LAMA2: variants seen among roughly 807,000 people sequenced by gnomAD.
LAMA2 encodes laminin subunit alpha 2.
LAMA2 carries 269 observed loss-of-function variants against 364.8 expected under a neutral mutation model. That is an observed-to-expected ratio of 0.74 (90% CI 0.67 to 0.82). The LOEUF is 0.82. Ranked by LOEUF, LAMA2 falls within the 40% of genes least tolerant of loss-of-function variation. The probability of loss-of-function intolerance (pLI) is 0.00; values close to 1 mark genes in which losing one functional copy is unlikely to be tolerated. For missense variants in LAMA2, 3,807 were observed against 3,873.2 expected, an observed-to-expected ratio of 0.98 and a Z score of 0.45; for synonymous variants, 1,379 against 1,370.6, an observed-to-expected ratio of 1.01 and a Z score of -0.14.
At chr6:129,260,503 A>T (rs1236072684) in intron 14 of LAMA2, among the ~76,000 whole-genome samples, 3 of 152,120 alleles carry the variant, frequency 2.0e-5, no homozygotes, top group African/African-American at 4.8e-5. Flanking sequence ...CAGCATTTGG[A>T]GGTGGTGGTG....
intron 12 of LAMA2, among the ~76,000 whole-genome samples, chr6:129,201,273 A>G (rs907416458): frequency 1.3e-5 from 2 of 152,178 alleles, no homozygotes; most frequent in African/African-American, 4.8e-5. Context: ...TGAAAGACAG[A>G]GGTTAGGGTT....
At chr6:129,300,456 AC>A (rs1773481003) in intron 21 of LAMA2, among the ~76,000 whole-genome samples, 2 of 152,202 alleles carry the variant, frequency 1.3e-5, no homozygotes, top group Non-Finnish European at 1.5e-5. Flanking sequence ...ATCTGATAAC[AC>A]CAATTCTTTC....
intron 8 of LAMA2, 144 bp downstream of exon 8, chr6:129,154,827 G>GA: frequency 1.4e-6 from 1 of 703,146 alleles, no homozygotes; most frequent in Admixed American, 2.5e-5. Context: ...TTTCGTAGTT[G>GA]AAACTGACCT....
chr6:128,985,558 T>C (rs990490859), intron 1 of LAMA2, among the ~76,000 whole-genome samples: 4 of 152,118 alleles, frequency 2.6e-5, no homozygotes, highest in Admixed American at 2.6e-4. Context: ...ACATTGATCT[T>C]CCAATGCCTT....
rs140058077 is a variant in LAMA2 at position 129,493,599 on chromosome 6, A to G, written c.8244+1116A>G. Among the ~76,000 whole-genome samples, 61 of 152,338 alleles carry G rather than the reference A, an allele frequency of 4.0e-4. No individual in the cohort carries two copies. In the East Asian group the frequency reaches 0.011, roughly 28 times the overall value. ...TTGTTCAATGACTCACATATACTGA[A>G]CGTTTAATAAATGGCATAAGTACTA... is the stretch of plus-strand genomic sequence containing the variant. On this transcript the variant is annotated intron_variant, in intron 58 of 64. Transcript: ENST00000421865.
intron 45 of LAMA2, among the ~76,000 whole-genome samples, chr6:129,449,186 G>A (rs1403045486): frequency 1.3e-5 from 2 of 152,192 alleles, no homozygotes; most frequent in Non-Finnish European, 2.9e-5. Flanking sequence ...TTTTCTATAT[G>A]AATGTGTGAG....
chr6:129,464,995 C>A, intron 50 of LAMA2, 150 bp from the exon 51 acceptor site: 1 of 697,542 alleles, frequency 1.4e-6, no homozygotes, highest in South Asian at 1.7e-5. Flanking sequence ...AATAGTAACA[C>A]CAATTCTATT....
Position 129,297,823 on chromosome 6 carries a change from T to G in LAMA2, c.2995T>G (p.Cys999Gly). 1 of 1,614,034 alleles carries G rather than the reference T, an allele frequency of 6.2e-7. No homozygotes were observed. The highest frequency in any genetic ancestry group is 8.5e-7 in the Non-Finnish European group (1 of 1,179,956). The change falls in exon 21 of 65, where the codon TGT becomes GGT. Residue 999 changes from cysteine to glycine, a missense_variant. By Grantham distance (159) the Cys-to-Gly change is radical (BLOSUM62 -3). This residue lies in a region of LAMA2 where 3,333 missense variants were observed against 3,345.7 expected (regional missense o/e 1.00). Coordinates refer to ENST00000421865, the MANE Select transcript of LAMA2 (RefSeq NM_000426.4). ...PGVTGKKCDR[C>G]AHGYFNFQEG... Reference sequence around the variant, plus strand: ...AGTCACAGGGAAGAAATGTGACCGCTGTGCCCACGGCTATTTCAACTTCCA... The same window carrying G: ...AGTCACAGGGAAGAAATGTGACCGCGGTGCCCACGGCTATTTCAACTTCCA...
intron 8 of LAMA2, chr6:129,158,299 TTTCTCGAAACCAGCTGGC>T: frequency 6.2e-7 from 1 of 1,614,124 alleles, no homozygotes; most frequent in Admixed American, 1.7e-5. Flanking sequence ...TAGATTTCTG[TTTCTCGAAACCAGCTGGC>T]TTCTTCAGTG....
chr6:129,078,657 T>TA (rs1278652626), intron 3 of LAMA2, among the ~76,000 whole-genome samples: 3 of 152,208 alleles, frequency 2.0e-5, no homozygotes, highest in African/African-American at 7.2e-5. Context: ...AAAGTCATGG[T>TA]AAAATGACAT....
At chr6:128,927,474 C>T (rs149923557) in intron 1 of LAMA2, among the ~76,000 whole-genome samples, 12 of 152,150 alleles carry the variant, frequency 7.9e-5, no homozygotes, top group Admixed American at 2.0e-4. Flanking sequence ...GAGTAAGCTC[C>T]GTCTCTAACT....
At position 129,050,074 on chromosome 6, in the gene LAMA2, G is replaced by A; in HGVS notation, c.269G>A (p.Ser90Asn). The change falls in exon 2 of 65, where the codon AGC (serine) becomes AAC (asparagine). Residue 90 changes from serine (S) to asparagine (N), a missense_variant. By Grantham distance (46) the Ser-to-Asn change is conservative (BLOSUM62 1). Transcript: ENST00000421865. ...CAGTGTCGAATCTGCAATCAAAACA[G>A]CAGCAATCCAAACCGTATGTATTTT... ...NPQCRICNQNSSNPNQRHPIT... is the reference protein window; with the variant it reads ...NPQCRICNQNNSNPNQRHPIT... The A allele has an allele frequency of 6.2e-7, 1 of 1,614,164 alleles. No individual in the cohort carries two copies. The highest frequency in any genetic ancestry group is 8.5e-7 in the Non-Finnish European group (1 of 1,180,014).
chr6:129,291,992 A>G (rs1789731968), intron 20 of LAMA2, among the ~76,000 whole-genome samples: 1 of 152,194 alleles, frequency 6.6e-6, no homozygotes, highest in Admixed American at 6.5e-5. Flanking sequence ...TAGCAGGCGA[A>G]TTTAATCTTA....
intron 10 of LAMA2, among the ~76,000 whole-genome samples, chr6:129,178,318 T>A (rs1367528662): frequency 2.0e-5 from 3 of 152,214 alleles, no homozygotes; most frequent in Non-Finnish European, 2.9e-5. Flanking sequence ...CAAATTTTTC[T>A]GTTCAATTAT....
chr6:128,908,514 A>T, intron 1 of LAMA2, among the ~76,000 whole-genome samples: 1 of 144,276 alleles, frequency 6.9e-6, no homozygotes, highest in Non-Finnish European at 1.5e-5. Flanking sequence ...CGTCTATTTG[A>T]TTCTTCTCTC....
chr6:129,404,150 C>T (rs774576989), intron 40 of LAMA2, among the ~76,000 whole-genome samples, 191 bp downstream of exon 40: 1 of 152,102 alleles, frequency 6.6e-6, no homozygotes, highest in Non-Finnish European at 1.5e-5. Context: ...TTCTCAGTCA[C>T]CCACTACCAC....
At chr6:129,455,864 A>T (rs1396164088) in intron 47 of LAMA2, among the ~76,000 whole-genome samples, 1 of 152,184 alleles carries the variant, frequency 6.6e-6, no homozygotes, top group Non-Finnish European at 1.5e-5. Context: ...TTTTAGGAGA[A>T]ATCATGCAGC....
In LAMA2 at chr6:129,249,317, A is replaced by G. The variant is rs115449968; in HGVS notation, c.1783-795A>G. Among the ~76,000 whole-genome samples, 472 of 152,272 alleles carry G rather than the reference A, an allele frequency of 3.1e-3. 1 individual carries two copies. The highest frequency in any genetic ancestry group is 0.01 in the African/African-American group (429 of 41,564). On this transcript the variant is annotated intron_variant, in intron 12 of 64. Transcript: ENST00000421865. ...GGAATTTTAAAAAAAGGATTGCAGC[A>G]TTTGCATTGAATCTGTCACTCACAG...
chr6:129,081,931 C>T (rs1272540760), intron 3 of LAMA2, among the ~76,000 whole-genome samples: 1 of 152,080 alleles, frequency 6.6e-6, no homozygotes, highest in Non-Finnish European at 1.5e-5. Flanking sequence ...AAACAACTTG[C>T]TATTAAAAAC....
Sources: gnomAD v4.1 joint callset for allele counts (sites outside exome capture counted in the v4.1 genomes callset) on GRCh38, gnomAD v4.1.1 for gene constraint, gnomAD v4.1.1 regional missense constraint, MANE v1.5 for transcripts, NCBI Gene and HGNC (gene_info 2026-07-23, HGNC 2026-07-21) for gene names.